The following TTC16 variants were observed in gnomAD, a reference collection of about 807,000 sequenced individuals.
The protein encoded by TTC16 is tetratricopeptide repeat domain 16, also known as tetratricopeptide repeat protein 16.
Under a neutral mutation model 80.4 loss-of-function variants are expected in TTC16, and 66 were observed. The ratio of observed to expected loss-of-function variants is 0.82; its 90% CI spans 0.67 to 1.01. The LOEUF (loss-of-function observed/expected upper bound fraction) is 1.01. Ranked by LOEUF, TTC16 falls within the 50% of genes least tolerant of loss-of-function variation. The pLI, the probability that TTC16 is intolerant of heterozygous loss-of-function variation, is 0.00. For synonymous variants in TTC16, 438 were observed against 451.3 expected (o/e 0.97, Z 0.37); for missense variants, 1,070 against 1,103.2 (o/e 0.97, Z 0.43).
rs763941253 is a variant in TTC16, at chr9:127,731,419, A to G, written c.*14A>G. The G allele has an allele frequency of 1.0e-5, 16 of 1,592,830 alleles. No individual in the cohort carries two copies. In the Admixed American group the frequency reaches 1.9e-4, roughly 19 times the overall value. ...GAAGCTGTCTGAAGGGACCATCCAG[A>G]CCCTCCCTTCTTGCTGGGGAGGGGA... On this transcript the variant is annotated 3_prime_UTR_variant, in exon 14 of 14. Transcript: ENST00000373289.
intron 12 of TTC16, chr9:127,729,339 C>T: frequency 2.1e-6 from 1 of 476,112 alleles, no homozygotes; most frequent in South Asian, 2.6e-5. Context: ...TGAAAAAAAC[C>T]AAGGCGCTAG....
chr9:127,730,470 G>A (rs918057259), intron 13 of TTC16, 166 bp from the exon 14 acceptor site: 6 of 1,008,586 alleles, frequency 5.9e-6, no homozygotes, highest in East Asian at 2.6e-5. Context: ...ACCCCTCAGG[G>A]TCTGGGTCGC....
rs1284588766 is a variant in TTC16 at position 127,722,198 on chromosome 9, C to A, written c.658-921C>A. 6.6e-6 allele frequency among the ~76,000 whole-genome samples: 1 copy of A among 152,154 alleles called. No homozygotes were observed. Among genetic ancestry groups the A allele is most frequent in the Non-Finnish European group, 1.5e-5 (1 of 68,026 alleles). On this transcript the variant is annotated intron_variant, in intron 6 of 13. Transcript: ENST00000373289. This position sits in a 1 kb window ranked among gnomAD's most constrained non-coding sequence, Gnocchi z 4.2. The stretch of plus-strand genomic sequence containing the variant: ...GAGCCCAAGGCTGCTTATGCCGAAG[C>A]CCTGCCCCTAGCTCCTGCCATTTCC...
At chr9:127,724,624 G>C (rs984009473) in intron 8 of TTC16, 132 bp from the exon 9 acceptor site, 1 of 1,297,272 alleles carries the variant, frequency 7.7e-7, no homozygotes, top group Non-Finnish European at 1.0e-6. Context: ...GAAAACTAGA[G>C]AGGACGGAGA....
intron 10 of TTC16, among the ~76,000 whole-genome samples, 153 bp from the exon 11 acceptor site, chr9:127,726,817 A>AAAAAC (rs1844011539): frequency 2.7e-5 from 4 of 150,100 alleles, no homozygotes; most frequent in African/African-American, 9.8e-5. Flanking sequence ...AAAAAAAAAA[A>AAAAAC]AAAACAAACA....
intron 7 of TTC16, 38 bp downstream of exon 7, chr9:127,723,371 C>G (rs1186223219): frequency 6.3e-7 from 1 of 1,585,988 alleles, no homozygotes; most frequent in African/African-American, 1.3e-5. Context: ...GGTCCCAGGT[C>G]CTGCCCAGCC....
chr9:127,726,998 C>T lies in TTC16; in HGVS notation c.1454C>T (p.Pro485Leu), dbSNP rs914666218. ...TCCCTGCTGATGACCAACCTCTTCC[C>T]GGGCATGTCGGTGGAGGAGGTGCTT... The part of the protein sequence containing the change: ...KLSLLMTNLF[P>L]GMSVEEVLST... Residue 485 changes from proline (P) to leucine (L), a missense_variant, in exon 11 of 14, where the codon CCG (proline) becomes CTG (leucine). Physicochemically the swap from Pro to Leu is moderately conservative, Grantham distance 98 (BLOSUM62 -3). Coordinates refer to ENST00000373289, the MANE Select transcript of TTC16 (RefSeq NM_144965.3). 9.3e-6 allele frequency: 15 copies of T among 1,613,046 alleles called. No individual in the cohort carries two copies. Among genetic ancestry groups the T allele is most frequent in the African/African-American group, 1.3e-5 (1 of 74,938 alleles).
intron 8 of TTC16, 52 bp from the exon 9 acceptor site, chr9:127,724,704 C>T: frequency 6.3e-7 from 1 of 1,579,366 alleles, no homozygotes; most frequent in Non-Finnish European, 8.6e-7. Flanking sequence ...TGGGCTGGGG[C>T]TCCCGGGCAC....
At chr9:127,726,604 A>G (rs1490749727) in intron 10 of TTC16, among the ~76,000 whole-genome samples, 200 bp downstream of exon 10, 7 of 152,006 alleles carry the variant, frequency 4.6e-5, no homozygotes, top group Non-Finnish European at 1.0e-4. Context: ...CCGGGCCAAC[A>G]TGGTGAAACC....
chr9:127,724,237 G>A lies in TTC16; in HGVS notation c.990G>A (p.Leu330=), dbSNP rs1391603665. 1.2e-6 allele frequency: 2 copies of A among 1,613,122 alleles called. No homozygotes were observed. The highest frequency in any genetic ancestry group is 2.2e-5 in the South Asian group (2 of 91,090). Reference sequence around the variant, plus strand: ...TGGTGCGGCAGGCACAGCGCCAGCTGTTGCTGACCTACAACGACTTTGCCG... The same window carrying A: ...TGGTGCGGCAGGCACAGCGCCAGCTATTGCTGACCTACAACGACTTTGCCG... ...EDMVRQAQRQ[L]LLTYNDFAVH... The change falls in exon 8 of 14, where the codon CTG becomes CTA. Residue 330 remains leucine, a synonymous_variant. Coordinates refer to ENST00000373289, the MANE Select transcript of TTC16 (RefSeq NM_144965.3).
Position 127,730,741 on chromosome 9 carries a change from C to G in TTC16, c.1958C>G (p.Thr653Arg). The G allele has an allele frequency of 6.2e-7, 1 of 1,613,680 alleles. No homozygotes were observed. The highest frequency in any genetic ancestry group is 8.5e-7 in the Non-Finnish European group (1 of 1,180,038). The change falls in exon 14 of 14, where the codon ACG becomes AGG. Residue 653 changes from threonine to arginine, a missense_variant. Transcript: ENST00000373289. ...VTFSDSSLLK[T>R]QSSDSGNNRE... ...TTCTCTGACTCGTCACTGTTGAAGA[C>G]GCAATCCTCGGACTCTGGGAACAAC... is the stretch of plus-strand genomic sequence containing the variant.
At chr9:127,721,022 C>T (rs934913478) in intron 6 of TTC16, among the ~76,000 whole-genome samples, 5 of 148,840 alleles carry the variant, frequency 3.4e-5, no homozygotes, top group Admixed American at 6.7e-5. Context: ...CATCCCTACT[C>T]CTGACCACCC....
intron 12 of TTC16, 45 bp from the exon 13 acceptor site, chr9:127,729,536 C>T (rs779259592): frequency 1.4e-5 from 21 of 1,535,588 alleles, no homozygotes; most frequent in African/African-American, 1.4e-4. Context: ...TGCAGCTGCA[C>T]GGGCCTCCTA....
At position 127,727,260 on chromosome 9, in the gene TTC16, C is replaced by T. The variant is rs1479727169; in HGVS notation, c.1569-10C>T. The T allele has an allele frequency of 1.3e-6, 2 of 1,548,336 alleles. No individual in the cohort carries two copies. Among genetic ancestry groups the T allele is most frequent in the South Asian group, 1.2e-5 (1 of 81,942 alleles). ...GAGACTGACAATACCTGGGGGGTAT[C>T]GTTTGGCAGGATGCTTAAACGGCAC... On this transcript the variant is annotated splice_polypyrimidine_tract_variant and intron_variant, in intron 11 of 13. Coordinates refer to ENST00000373289, the MANE Select transcript of TTC16 (RefSeq NM_144965.3).
rs752059531 is a variant in TTC16, at chr9:127,724,309, G to A, written c.1062G>A (p.Leu354=). ...QGAYQEGVLL[L]NKALRDEQQE... ...CCTACCAGGAGGGCGTGCTGCTGCT[G>A]AACAAGGCCCTCCGGGACGAGCAGC... The change falls in exon 8 of 14, where the codon CTG becomes CTA. Residue 354 remains leucine, a synonymous_variant. Transcript: ENST00000373289. 1.2e-6 allele frequency: 2 copies of A among 1,611,618 alleles called. No individual in the cohort carries two copies. Among genetic ancestry groups the A allele is most frequent in the East Asian group, 2.2e-5 (1 of 44,856 alleles).
intron 11 of TTC16, 68 bp downstream of exon 11, chr9:127,727,180 C>G: frequency 6.6e-7 from 1 of 1,519,000 alleles, no homozygotes; most frequent in Non-Finnish European, 8.8e-7. Context: ...TCCTCTGGCT[C>G]CAGCTGCATG....
Position 127,731,448 on chromosome 9 carries a change from G to A in TTC16, c.*43G>A. On this transcript the variant is annotated 3_prime_UTR_variant, in exon 14 of 14. Transcript: ENST00000373289. ...TCCCTTCTTGCTGGGGAGGGGACGA[G>A]TTCTACCCACCTCCCCACACTGGCA... The A allele has an allele frequency of 6.4e-7, 1 of 1,563,006 alleles. No homozygotes were observed. Among genetic ancestry groups the A allele is most frequent in the African/African-American group, 1.4e-5 (1 of 73,836 alleles).
chr9:127,716,298 C>A, intron 1 of TTC16, 135 bp downstream of exon 1: 2 of 1,314,998 alleles, frequency 1.5e-6, no homozygotes, highest in East Asian at 2.3e-5. Flanking sequence ...GGCCGCCATG[C>A]CAAGAACCAG....
chr9:127,726,129 G>A (rs983009827), intron 9 of TTC16, 110 bp from the exon 10 acceptor site: 9 of 911,764 alleles, frequency 9.9e-6, no homozygotes, highest in Non-Finnish European at 1.3e-5. Context: ...GTGGTGAGGG[G>A]AGCAGACCTA....
Sources: gnomAD v4.1 joint callset for allele counts (sites outside exome capture counted in the v4.1 genomes callset) on GRCh38, gnomAD v4.1.1 for gene constraint, Gnocchi (gnomAD v3.1) non-coding constraint, MANE v1.5 for transcripts, NCBI Gene and HGNC (gene_info 2026-07-23, HGNC 2026-07-21) for gene names.